Variants in KIAA1328 observed in about 807,000 individuals in gnomAD.
The protein encoded by KIAA1328 is KIAA1328, also known as protein hinderin.
Under a neutral mutation model 68.1 loss-of-function variants are expected in KIAA1328, and 52 were observed. The ratio of observed to expected loss-of-function variants is 0.76; its 90% confidence interval spans 0.61 to 0.96. The LOEUF is 0.96. Ranked by LOEUF, KIAA1328 falls within the 40% of genes least tolerant of loss-of-function variation. The probability of loss-of-function intolerance (pLI) is 0.00; values close to 1 mark genes in which losing one functional copy is unlikely to be tolerated. For synonymous variants in KIAA1328, 232 were observed against 239.4 expected (o/e 0.97, Z 0.28); for missense variants, 641 against 677.6 (o/e 0.95, Z 0.60).
At chr18:37,116,343 C>T (rs1452652848) in intron 7 of KIAA1328, among the ~76,000 whole-genome samples, 1 of 152,136 alleles carries the variant, frequency 6.6e-6, no homozygotes, top group East Asian at 1.9e-4. Flanking sequence ...ACAGAGCCCT[C>T]AGAAATAATA....
chr18:37,153,624 CT>C lies in KIAA1328; in HGVS notation c.1233-6551del, dbSNP rs772159270. 5.2e-3 allele frequency among the ~76,000 whole-genome samples: 494 copies of C among 95,672 alleles called. 3 individuals carry two copies. The highest frequency in any genetic ancestry group is 0.013 in the African/African-American group (305 of 24,078). The allele number at this position is 95,672 out of a possible 152,430, so 62.8% of individuals were successfully genotyped here. A position where few individuals can be genotyped will look rare whatever the true frequency, so the allele number is the denominator to read the frequency against. ...CTTGGGAGCTGTGGCAATCCAATAG[CT>C]TTTTTTTTTTTTTTTTTTTTTTTTC... is the stretch of plus-strand genomic sequence containing the variant. On this transcript the variant is annotated intron_variant, in intron 7 of 9. Coordinates refer to ENST00000280020, the MANE Select transcript of KIAA1328 (RefSeq NM_020776.3).
At chr18:37,145,998 C>CAATTTATT (rs1351774343) in intron 7 of KIAA1328, among the ~76,000 whole-genome samples, 3 of 152,070 alleles carry the variant, frequency 2.0e-5, no homozygotes, top group Non-Finnish European at 4.4e-5. Context: ...CCCCCGCTCC[C>CAATTTATT]AATTTATTAG....
chr18:37,082,723 A>C (rs1372256479), intron 7 of KIAA1328, among the ~76,000 whole-genome samples: 1 of 152,214 alleles, frequency 6.6e-6, no homozygotes, highest in Non-Finnish European at 1.5e-5. Context: ...TTACTACATG[A>C]TTGCCGATAA....
intron 7 of KIAA1328, chr18:37,084,068 A>G: frequency 9.8e-7 from 1 of 1,016,622 alleles, no homozygotes; most frequent in Non-Finnish European, 1.3e-6. Flanking sequence ...TCCAAAATTT[A>G]TCATTCAGGT....
chr18:36,905,204 C>A (rs541179269), intron 5 of KIAA1328, among the ~76,000 whole-genome samples: 1 of 151,768 alleles, frequency 6.6e-6, no homozygotes, highest in South Asian at 2.1e-4. Flanking sequence ...CTCCGCCTCC[C>A]GGATTCAAGT....
intron 6 of KIAA1328, among the ~76,000 whole-genome samples, chr18:37,050,155 A>G (rs1469506057): frequency 6.6e-6 from 1 of 151,326 alleles, no homozygotes; most frequent in African/African-American, 2.4e-5. Flanking sequence ...AGGTCAGTGA[A>G]TGGTCCCTGG....
At chr18:36,980,010 G>C (rs1010144875) in intron 6 of KIAA1328, among the ~76,000 whole-genome samples, 35 of 152,000 alleles carry the variant, frequency 2.3e-4, no homozygotes, top group African/African-American at 8.5e-4. Context: ...TGAAGGAGTG[G>C]GTTCCCTTAT....
chr18:37,054,670 G>A (rs1296927188), intron 6 of KIAA1328, among the ~76,000 whole-genome samples: 1 of 152,162 alleles, frequency 6.6e-6, no homozygotes, highest in African/African-American at 2.4e-5. Context: ...AAATGGGAGT[G>A]GAAGAGTGGG....
At chr18:36,923,583 A>G (rs923786342) in intron 5 of KIAA1328, among the ~76,000 whole-genome samples, 24 of 152,310 alleles carry the variant, frequency 1.6e-4, no homozygotes, top group Admixed American at 1.4e-3. Flanking sequence ...GTATATCATT[A>G]AAGAAATTGT....
intron 5 of KIAA1328, among the ~76,000 whole-genome samples, chr18:36,935,569 C>A (rs1435889993): frequency 2.0e-5 from 3 of 152,020 alleles, no homozygotes; most frequent in Non-Finnish European, 4.4e-5. Context: ...TTATATTAGT[C>A]TTTGTTTCAC....
intron 9 of KIAA1328, among the ~76,000 whole-genome samples, chr18:37,200,639 G>C (rs536668238): frequency 6.6e-6 from 1 of 151,572 alleles, no homozygotes. Context: ...GTGAAACCCC[G>C]TCTCTACTAA....
chr18:37,063,011 A>G (rs1009988844), intron 6 of KIAA1328, among the ~76,000 whole-genome samples: 1 of 151,324 alleles, frequency 6.6e-6, no homozygotes, highest in African/African-American at 2.4e-5. Context: ...CAATGCTGCA[A>G]TTAAAGTTCA....
intron 4 of KIAA1328, among the ~76,000 whole-genome samples, chr18:36,850,580 T>G (rs1032804581): frequency 6.6e-6 from 1 of 152,152 alleles, no homozygotes; most frequent in African/African-American, 2.4e-5. Flanking sequence ...CAACAATAAC[T>G]AATAATTAAA....
intron 6 of KIAA1328, among the ~76,000 whole-genome samples, chr18:37,034,704 A>G (rs923504908): frequency 6.6e-6 from 1 of 152,228 alleles, no homozygotes; most frequent in Non-Finnish European, 1.5e-5. Flanking sequence ...AATATGAAAT[A>G]TAGTTACTAA....
chr18:37,072,407 C>G lies in KIAA1328; in HGVS notation c.1232+4862C>G, dbSNP rs2151755249. On this transcript the variant is annotated intron_variant, in intron 7 of 9. Coordinates refer to ENST00000280020, the MANE Select transcript of KIAA1328 (RefSeq NM_020776.3). ...TCTCTATACATAAAATATAATTTCT[C>G]TTTTGCTTTTTAAAGATTTTTTTGT... Among the ~76,000 whole-genome samples, 5 of 139,742 alleles carry G rather than the reference C, an allele frequency of 3.6e-5. 1 individual carries two copies. In the Middle Eastern group the frequency reaches 0.014, roughly 399 times the overall value. The allele number at this position is 139,742 out of a possible 152,430, so 91.7% of individuals were successfully genotyped here.
chr18:36,876,459 T>A (rs1282732298), intron 4 of KIAA1328, among the ~76,000 whole-genome samples: 2 of 152,142 alleles, frequency 1.3e-5, no homozygotes, highest in African/African-American at 4.8e-5. Context: ...AGTGTATTTG[T>A]GTAGAGGTGT....
chr18:37,007,995 G>A (rs1161547714), intron 6 of KIAA1328, among the ~76,000 whole-genome samples: 1 of 152,116 alleles, frequency 6.6e-6, no homozygotes, highest in Non-Finnish European at 1.5e-5. Context: ...GTGTGGCACT[G>A]GAAACTAAAA....
chr18:37,067,179 A>C lies in KIAA1328; in HGVS notation c.866A>C (p.Glu289Ala). 1.9e-6 allele frequency: 3 copies of C among 1,613,994 alleles called. No individual in the cohort carries two copies. The South Asian group carries it at 3.3e-5, about 18-fold the overall frequency. The change falls in exon 7 of 10, where the codon GAA becomes GCA. Residue 289 changes from glutamate (E) to alanine (A), a missense_variant. By Grantham distance (107) the Glu-to-Ala change is moderately radical. Coordinates refer to ENST00000280020, the MANE Select transcript of KIAA1328 (RefSeq NM_020776.3). Reference sequence around the variant, plus strand: ...CCAACAGAGAAAATGCCACAAGAAGAATTGCACATGAAGGAATGTCCACAT... The same window carrying C: ...CCAACAGAGAAAATGCCACAAGAAGCATTGCACATGAAGGAATGTCCACAT... Reference protein sequence around the residue: ...AVPTEKMPQEELHMKECPHLK... With the variant: ...AVPTEKMPQEALHMKECPHLK...
intron 6 of KIAA1328, among the ~76,000 whole-genome samples, chr18:36,975,816 G>T (rs2052450051): frequency 6.6e-6 from 1 of 152,020 alleles, no homozygotes; most frequent in African/African-American, 2.4e-5. Context: ...TTGTTACAGA[G>T]AATCCCAGTT....
Sources: allele counts gnomAD v4.1 joint callset (sites outside exome capture counted in the v4.1 genomes callset), GRCh38; gene constraint gnomAD v4.1.1; transcripts MANE v1.5; gene names NCBI Gene and HGNC (gene_info 2026-07-23, HGNC 2026-07-21).